Variants in BCAR3 observed in about 807,000 individuals in gnomAD.
BCAR3 encodes breast cancer anti-estrogen resistance protein 3.
Under a neutral mutation model 80.1 loss-of-function variants are expected in BCAR3, and 37 were observed. The observed-to-expected ratio is 0.46, with a 90% CI of 0.36 to 0.61. The LOEUF (loss-of-function observed/expected upper bound fraction) is 0.61. Among genes scored for constraint, BCAR3 ranks in the 20% least tolerant of loss-of-function variants. The pLI is 0.00. For missense variants in BCAR3, 978 were observed against 1,068.2 expected, an observed-to-expected ratio of 0.92 and a Z score of 1.18; for synonymous variants, 389 against 418.9, an observed-to-expected ratio of 0.93 and a Z score of 0.87.
At position 93,562,208 on chromosome 1, in the gene BCAR3, G is replaced by A; in HGVS notation, c.*33C>T. ...CCCAAAGATGAAGCTGGGGAAACTTGAAAAGATATTCTAAAGGTTCTCTGG... is the reference window on the plus strand; with the variant it reads ...CCCAAAGATGAAGCTGGGGAAACTTAAAAAGATATTCTAAAGGTTCTCTGG... On this transcript the variant is annotated 3_prime_UTR_variant, in exon 12 of 12. Coordinates refer to ENST00000260502, the MANE Select transcript of BCAR3 (RefSeq NM_003567.4). 1 of 1,578,428 alleles carries A rather than the reference G, an allele frequency of 6.3e-7. No individual in the cohort carries two copies. Among genetic ancestry groups the A allele is most frequent in the East Asian group, 2.3e-5 (1 of 44,414 alleles).
Position 93,706,942 on chromosome 1 carries a change from A to T in BCAR3, c.-62-800T>A, listed in dbSNP as rs148194357. On this transcript the variant is annotated intron_variant, in intron 2 of 13. Transcript: ENST00000370244. ...CTGTAATCCCAGTACTTTGGGATGCAGAGGCGGGTGGATCACGAGGTCAGG... is the reference window on the plus strand; with the variant it reads ...CTGTAATCCCAGTACTTTGGGATGCTGAGGCGGGTGGATCACGAGGTCAGG... 3.0e-3 allele frequency among the ~76,000 whole-genome samples: 463 copies of T among 152,264 alleles called. 2 individuals carry two copies. The highest frequency in any genetic ancestry group is 0.01 in the African/African-American group (426 of 41,558).
chr1:93,622,904 G>A (rs1675357191), intron 3 of BCAR3, among the ~76,000 whole-genome samples: 1 of 152,202 alleles, frequency 6.6e-6, no homozygotes, highest in Non-Finnish European at 1.5e-5. Context: ...GGGCTGGGTG[G>A]AGGAAGGGAG....
At chr1:93,583,025 G>A in intron 6 of BCAR3, 72 bp from the exon 7 acceptor site, 1 of 1,469,592 alleles carries the variant, frequency 6.8e-7, no homozygotes, top group Non-Finnish European at 9.1e-7. Flanking sequence ...AACCAGAGTG[G>A]CAGCTCCCCA....
chr1:93,671,167 G>GT (rs1648185086), intron 2 of BCAR3, among the ~76,000 whole-genome samples: 1 of 151,960 alleles, frequency 6.6e-6, no homozygotes, highest in Admixed American at 6.6e-5. Flanking sequence ...TAATTTTTTT[G>GT]TATTTTTAGT....
chr1:93,626,550 C>T (rs1268306769), intron 3 of BCAR3, among the ~76,000 whole-genome samples: 1 of 152,126 alleles, frequency 6.6e-6, no homozygotes, highest in Non-Finnish European at 1.5e-5. Context: ...ACTGGGTTGA[C>T]ATTTATACTG....
intron 2 of BCAR3, among the ~76,000 whole-genome samples, chr1:93,716,648 C>T (rs1033403883): frequency 2.6e-5 from 4 of 152,172 alleles, no homozygotes; most frequent in African/African-American, 7.2e-5. Context: ...AGAGGAATGC[C>T]GAGAAAGGGT....
rs367834080 is a variant in BCAR3, at chr1:93,674,849, G to C, written c.82C>G (p.Leu28Val). 10 of 1,603,482 alleles carry C rather than the reference G, an allele frequency of 6.2e-6. No homozygotes were observed. The African/African-American group carries it at 1.3e-4, about 22-fold the overall frequency. The stretch of plus-strand genomic sequence containing the variant: ...TCAGCGAGAGGGGACCTGCTGCTCA[G>C]AAGGTCCATGGATGAGGCCAGGGGG... ...QFPLASSMDL[L>V]SSRSPLAEHR... Residue 28 changes from leucine to valine, a missense_variant, in exon 2 of 12, where the codon CTG becomes GTG. Coordinates refer to ENST00000260502, the MANE Select transcript of BCAR3 (RefSeq NM_003567.4).
intron 2 of BCAR3, among the ~76,000 whole-genome samples, chr1:93,761,021 C>T (rs1458012060): frequency 2.6e-5 from 4 of 152,138 alleles, no homozygotes; most frequent in Admixed American, 1.3e-4. Context: ...GATGGGACAG[C>T]ATGTAGGACA....
chr1:93,601,812 G>A (rs1392837539), intron 3 of BCAR3, among the ~76,000 whole-genome samples: 4 of 152,194 alleles, frequency 2.6e-5, no homozygotes, highest in Non-Finnish European at 5.9e-5. Context: ...GAAGGGAGAG[G>A]AGGCTGGAGA....
chr1:93,665,756 C>G (rs1243124545), intron 2 of BCAR3, among the ~76,000 whole-genome samples: 1 of 152,198 alleles, frequency 6.6e-6, no homozygotes, highest in Non-Finnish European at 1.5e-5. Flanking sequence ...AAACCCCAAA[C>G]AGAAGTCCTG....
intron 2 of BCAR3, among the ~76,000 whole-genome samples, chr1:93,751,130 A>G (rs1651543066): frequency 6.6e-6 from 1 of 152,172 alleles, no homozygotes; most frequent in Non-Finnish European, 1.5e-5. Flanking sequence ...GGAGGAAGTC[A>G]TCATTTTCCC....
chr1:93,814,745 G>C (rs181630862), intron 2 of BCAR3, among the ~76,000 whole-genome samples: 1 of 152,226 alleles, frequency 6.6e-6, no homozygotes, highest in Non-Finnish European at 1.5e-5. Context: ...GCCCCTGTGA[G>C]ACTGAACACA....
intron 3 of BCAR3, among the ~76,000 whole-genome samples, chr1:93,696,981 T>C (rs1274555582): frequency 1.3e-5 from 2 of 152,228 alleles, no homozygotes. Context: ...TGATACTCAG[T>C]GACTGGGAGC....
At chr1:93,812,638 C>T (rs1037219423) in intron 2 of BCAR3, among the ~76,000 whole-genome samples, 1 of 152,206 alleles carries the variant, frequency 6.6e-6, no homozygotes, top group African/African-American at 2.4e-5. Context: ...CTGTCTGTCC[C>T]TAATCCCTAC....
intron 2 of BCAR3, among the ~76,000 whole-genome samples, chr1:93,839,708 T>C (rs1175084646): frequency 2.0e-5 from 3 of 152,186 alleles, no homozygotes; most frequent in Non-Finnish European, 2.9e-5. Flanking sequence ...TCCTCTGAAG[T>C]AATTTTTTTG....
At chr1:93,588,329 A>C (rs1171291871) in intron 5 of BCAR3, among the ~76,000 whole-genome samples, 1 of 151,756 alleles carries the variant, frequency 6.6e-6, no homozygotes, top group African/African-American at 2.4e-5. Context: ...AGGCTCCTAC[A>C]TCTCTTGACT....
intron 4 of BCAR3, among the ~76,000 whole-genome samples, chr1:93,590,091 A>G (rs1260250719): frequency 6.6e-6 from 1 of 152,196 alleles, no homozygotes; most frequent in Non-Finnish European, 1.5e-5. Flanking sequence ...GATTCTGGAC[A>G]CACCAATTAC....
At chr1:93,597,845 T>G (rs1674479888) in intron 3 of BCAR3, among the ~76,000 whole-genome samples, 1 of 152,196 alleles carries the variant, frequency 6.6e-6, no homozygotes, top group Admixed American at 6.5e-5. Flanking sequence ...CAATCCTCAC[T>G]CACTGCCCGC....
At chr1:93,698,816 C>T (rs528512487) in intron 3 of BCAR3, among the ~76,000 whole-genome samples, 3 of 152,294 alleles carry the variant, frequency 2.0e-5, no homozygotes, top group African/African-American at 7.2e-5. Context: ...TTGTTTCATT[C>T]GTATTTATAG....
Sources: gnomAD v4.1 joint callset for allele counts (sites outside exome capture counted in the v4.1 genomes callset) on GRCh38, gnomAD v4.1.1 for gene constraint, MANE v1.5 for transcripts, NCBI Gene and HGNC (gene_info 2026-07-23, HGNC 2026-07-21) for gene names.